Variants in PRELID2 observed in about 807,000 individuals in gnomAD.
The protein encoded by PRELID2 is PRELI domain containing 2.
A neutral mutation model predicts 28.4 loss-of-function variants in PRELID2; 25 were observed. That is an observed-to-expected ratio of 0.88 (90% confidence interval 0.64 to 1.23). The LOEUF (loss-of-function observed/expected upper bound fraction) is 1.23, where lower values mean the gene tolerates loss of function less well. Ranked by LOEUF, PRELID2 falls within the 50% of genes most tolerant of loss-of-function variation. The pLI is 0.00. For synonymous variants in PRELID2, 76 were observed against 71.6 expected (o/e 1.06, Z -0.31); for missense variants, 201 against 214.4 (o/e 0.94, Z 0.39).
chr5:145,655,540 A>T (rs1754378030), intron 1 of PRELID2, among the ~76,000 whole-genome samples: 1 of 152,222 alleles, frequency 6.6e-6, no homozygotes, highest in African/African-American at 2.4e-5. Flanking sequence ...CGGTACTGGT[A>T]ACAAAACAGA....
At chr5:145,471,401 A>T (rs1391541740), downstream of PRELID2, among the ~76,000 whole-genome samples, 1 of 152,174 alleles carries the variant, frequency 6.6e-6, no homozygotes, top group African/African-American at 2.4e-5. Context: ...CAAAAGGGGA[A>T]TAAATTGAGA....
intron 1 of PRELID2, among the ~76,000 whole-genome samples, chr5:145,741,859 A>ATTTTAG (rs368563347): frequency 8.2e-6 from 1 of 122,280 alleles, no homozygotes; most frequent in African/African-American, 3.3e-5. Context: ...CATTTTTATA[A>ATTTTAG]TTTAATTTAA....
At chr5:145,251,747 T>A in the PRELID2 span, among the ~76,000 whole-genome samples, 1 of 152,122 alleles carries the variant, frequency 6.6e-6, no homozygotes, top group Admixed American at 6.6e-5. Context: ...GCCCACAGTT[T>A]TCATTGACAA....
At chr5:145,828,900 G>A (rs1755397839) in intron 1 of PRELID2, among the ~76,000 whole-genome samples, 1 of 134,956 alleles carries the variant, frequency 7.4e-6, no homozygotes, top group African/African-American at 2.8e-5. Context: ...GTGCAGTGAT[G>A]CAATTACAGC....
At chr5:145,287,841 G>A in the PRELID2 span, among the ~76,000 whole-genome samples, 2 of 152,054 alleles carry the variant, frequency 1.3e-5, no homozygotes, top group African/African-American at 4.8e-5. Flanking sequence ...TAGTCATAAT[G>A]TCTCCTTAGC....
chr5:145,365,183 C>T, the PRELID2 span, among the ~76,000 whole-genome samples: 1 of 151,826 alleles, frequency 6.6e-6, no homozygotes, highest in Non-Finnish European at 1.5e-5. Context: ...GAAAAATAAG[C>T]TTTAATGGTC....
At chr5:145,456,093 T>C in the PRELID2 span, among the ~76,000 whole-genome samples, 1 of 152,192 alleles carries the variant, frequency 6.6e-6, no homozygotes, top group Admixed American at 6.5e-5. Flanking sequence ...AACTTTGGCT[T>C]ACGAATGCTA....
At chr5:145,602,993 A>G (rs1045950577) in intron 1 of PRELID2, among the ~76,000 whole-genome samples, 3 of 152,162 alleles carry the variant, frequency 2.0e-5, no homozygotes, top group African/African-American at 7.2e-5. Flanking sequence ...CGGAGGTTGC[A>G]GTAAGCCAAG....
intron 1 of PRELID2, among the ~76,000 whole-genome samples, chr5:145,700,787 G>A (rs1031818103): frequency 9.2e-5 from 14 of 152,062 alleles, no homozygotes; most frequent in Non-Finnish European, 1.3e-4. Flanking sequence ...TACCAATATC[G>A]GTTCCACCTG....
At chr5:145,508,586 A>ATT (rs1265204590) in intron 1 of PRELID2, among the ~76,000 whole-genome samples, 3 of 152,050 alleles carry the variant, frequency 2.0e-5, no homozygotes, top group Non-Finnish European at 4.4e-5. Context: ...AATTAAAAAG[A>ATT]AAGAAAACAT....
the PRELID2 span, among the ~76,000 whole-genome samples, chr5:145,276,035 C>G: frequency 1.3e-5 from 2 of 152,070 alleles, no homozygotes; most frequent in African/African-American, 4.8e-5. Flanking sequence ...GTAGAAATAA[C>G]AGAAGATAAA....
chr5:145,665,857 G>T (rs1754579030), intron 1 of PRELID2, among the ~76,000 whole-genome samples: 1 of 151,914 alleles, frequency 6.6e-6, no homozygotes, highest in Non-Finnish European at 1.5e-5. Flanking sequence ...TGGATGCCAG[G>T]ACTTTTTGTT....
chr5:145,411,392 G>A, the PRELID2 span, among the ~76,000 whole-genome samples: 2 of 152,120 alleles, frequency 1.3e-5, no homozygotes, highest in East Asian at 3.9e-4. Flanking sequence ...AATTCAAGAT[G>A]AGATTTGGGT....
At chr5:145,716,633 A>T (rs1311661103) in intron 1 of PRELID2, among the ~76,000 whole-genome samples, 1 of 152,214 alleles carries the variant, frequency 6.6e-6, no homozygotes, top group African/African-American at 2.4e-5. Context: ...ATAAGAAGAC[A>T]TAGTTTTCAC....
chr5:145,502,697 C>T (rs974633444), intron 1 of PRELID2, among the ~76,000 whole-genome samples: 1 of 152,146 alleles, frequency 6.6e-6, no homozygotes, highest in Non-Finnish European at 1.5e-5. Context: ...GTACCTGATA[C>T]ATAGCAACCA....
chr5:145,317,616 A>G, the PRELID2 span, among the ~76,000 whole-genome samples: 3 of 152,232 alleles, frequency 2.0e-5, no homozygotes, highest in African/African-American at 7.2e-5. Context: ...GGGGGTGGAG[A>G]AAAAGGAGAA....
the PRELID2 span, among the ~76,000 whole-genome samples, chr5:145,393,578 C>G: frequency 6.6e-6 from 1 of 152,280 alleles, no homozygotes; most frequent in South Asian, 2.1e-4. Context: ...ATTGCAGAAA[C>G]AGCTGGATTG....
chr5:145,425,015 C>T, the PRELID2 span, among the ~76,000 whole-genome samples: 1 of 151,816 alleles, frequency 6.6e-6, no homozygotes, highest in South Asian at 2.1e-4. Context: ...GCAATCTATC[C>T]ATTTAACAAA....
chr5:145,549,794 C>CAAAAA (rs891893051), intron 1 of PRELID2, among the ~76,000 whole-genome samples: 5 of 137,788 alleles, frequency 3.6e-5, no homozygotes, highest in Non-Finnish European at 3.1e-5. Flanking sequence ...GATTCAGTCT[C>CAAAAA]AAAAAAAGAA....
Sources: gnomAD v4.1 joint callset for allele counts (sites outside exome capture counted in the v4.1 genomes callset) on GRCh38, gnomAD v4.1.1 for gene constraint, MANE v1.5 for transcripts, NCBI Gene and HGNC (gene_info 2026-07-23, HGNC 2026-07-21) for gene names.